KCNT2: variants seen among roughly 807,000 people sequenced by gnomAD.
KCNT2 encodes potassium sodium-activated channel subfamily T member 2.
A neutral mutation model predicts 153.8 loss-of-function variants in KCNT2; 67 were observed. That is an observed-to-expected ratio of 0.44 (90% CI 0.36 to 0.53). The LOEUF (loss-of-function observed/expected upper bound fraction) is 0.53. Ranked by LOEUF, KCNT2 falls within the 20% of genes least tolerant of loss-of-function variation. The probability of loss-of-function intolerance (pLI) is 0.00; values close to 1 mark genes in which losing one functional copy is unlikely to be tolerated. For missense variants in KCNT2, 975 were observed against 1,354.8 expected (o/e 0.72, Z 4.40); for synonymous variants, 500 against 458.8 (o/e 1.09, Z -1.15).
intron 22 of KCNT2, among the ~76,000 whole-genome samples, chr1:196,289,948 T>C (rs1660033451): frequency 6.6e-6 from 1 of 152,188 alleles, no homozygotes; most frequent in Admixed American, 6.5e-5. Context: ...TTTCCATTTG[T>C]TTTATTATCA....
chr1:196,290,870 A>T (rs994004803), intron 22 of KCNT2, among the ~76,000 whole-genome samples: 3 of 151,992 alleles, frequency 2.0e-5, no homozygotes, highest in African/African-American at 7.3e-5. Context: ...ATTTCACATC[A>T]ATTTCATAAA....
At chr1:196,236,277 G>A (rs554771751) in intron 26 of KCNT2, among the ~76,000 whole-genome samples, 2 of 151,348 alleles carry the variant, frequency 1.3e-5, no homozygotes, top group South Asian at 4.1e-4. Flanking sequence ...TGTTCCAATA[G>A]ATGATAACAA....
At chr1:196,548,971 C>T (rs924744287) in intron 1 of KCNT2, among the ~76,000 whole-genome samples, 3 of 138,414 alleles carry the variant, frequency 2.2e-5, no homozygotes, top group African/African-American at 8.3e-5. Context: ...CACATGGACA[C>T]AGGAAGGGGA....
chr1:196,455,257 T>C (rs986570687), intron 8 of KCNT2, among the ~76,000 whole-genome samples: 1 of 152,066 alleles, frequency 6.6e-6, no homozygotes. Flanking sequence ...AAGTCCCTTT[T>C]ACCATCTAAT....
chr1:196,591,754 T>C (rs1663389782), intron 1 of KCNT2, among the ~76,000 whole-genome samples: 1 of 152,142 alleles, frequency 6.6e-6, no homozygotes, highest in Admixed American at 6.6e-5. Context: ...TCCCACATCA[T>C]AAGGTAGCAA....
chr1:196,260,686 C>T (rs1656931484), intron 25 of KCNT2, among the ~76,000 whole-genome samples: 1 of 151,742 alleles, frequency 6.6e-6, no homozygotes. Flanking sequence ...TTGGAATTTG[C>T]ATTCTTTTCT....
At chr1:196,419,926 T>A (rs572223268) in intron 12 of KCNT2, among the ~76,000 whole-genome samples, 1 of 152,160 alleles carries the variant, frequency 6.6e-6, no homozygotes, top group South Asian at 2.1e-4. Context: ...AATTTGACAA[T>A]TTTTGTGTGG....
chr1:196,313,664 C>T (rs1369114159), intron 21 of KCNT2, among the ~76,000 whole-genome samples: 2 of 151,310 alleles, frequency 1.3e-5, no homozygotes, highest in Admixed American at 6.6e-5. Flanking sequence ...AGCAGCTTAA[C>T]ACACAACACA....
intron 1 of KCNT2, among the ~76,000 whole-genome samples, chr1:196,547,545 T>A (rs1323295901): frequency 1.3e-5 from 2 of 152,024 alleles, no homozygotes; most frequent in Admixed American, 1.3e-4. Flanking sequence ...CAATTTCACT[T>A]AAGTTTGTTT....
chr1:196,247,536 G>A (rs1028882381), intron 26 of KCNT2, among the ~76,000 whole-genome samples: 7 of 152,250 alleles, frequency 4.6e-5, no homozygotes, highest in South Asian at 2.1e-4. Flanking sequence ...TCACAGTTCC[G>A]CATGGCTGGG....
chr1:196,418,214 A>T (rs1382150939), intron 12 of KCNT2, among the ~76,000 whole-genome samples: 1 of 151,980 alleles, frequency 6.6e-6, no homozygotes, highest in Non-Finnish European at 1.5e-5. Flanking sequence ...GGTGGCTCAC[A>T]CCTGTAATCC....
At chr1:196,550,525 T>C (rs774957907) in intron 1 of KCNT2, among the ~76,000 whole-genome samples, 7 of 151,906 alleles carry the variant, frequency 4.6e-5, no homozygotes, top group Non-Finnish European at 8.8e-5. Flanking sequence ...GAAAATAGCT[T>C]TAGACTTGTA....
chr1:196,318,666 G>C (rs1662978310), intron 20 of KCNT2, among the ~76,000 whole-genome samples: 1 of 151,694 alleles, frequency 6.6e-6, no homozygotes, highest in African/African-American at 2.4e-5. Context: ...TATCATAACT[G>C]ATGAGGTAAA....
intron 12 of KCNT2, among the ~76,000 whole-genome samples, chr1:196,409,426 T>C (rs1672102839): frequency 6.6e-6 from 1 of 151,580 alleles, no homozygotes; most frequent in Admixed American, 6.6e-5. Context: ...TATTTTGTTT[T>C]TTTCAGTCAT....
chr1:196,450,560 A>G (rs2148617210), intron 8 of KCNT2, among the ~76,000 whole-genome samples: 1 of 151,952 alleles, frequency 6.6e-6, no homozygotes, highest in African/African-American at 2.4e-5. Context: ...ACAAACCTCA[A>G]AGTTATTCTT....
intron 8 of KCNT2, among the ~76,000 whole-genome samples, chr1:196,431,982 T>C (rs1471110691): frequency 6.6e-6 from 1 of 151,978 alleles, no homozygotes; most frequent in Non-Finnish European, 1.5e-5. Context: ...GTCACCCTCA[T>C]CACAGGACCA....
At chr1:196,390,687 A>G (rs1670402533) in intron 13 of KCNT2, among the ~76,000 whole-genome samples, 1 of 138,626 alleles carries the variant, frequency 7.2e-6, no homozygotes. Context: ...TTCTCACACT[A>G]CTTCTCCAAA....
intron 1 of KCNT2, among the ~76,000 whole-genome samples, chr1:196,588,149 T>C (rs996329378): frequency 1.3e-5 from 2 of 151,988 alleles, no homozygotes; most frequent in Non-Finnish European, 2.9e-5. Flanking sequence ...AATCTTGCAG[T>C]TCAACTTCTG....
intron 1 of KCNT2, among the ~76,000 whole-genome samples, chr1:196,495,205 C>T (rs1409873558): frequency 4.0e-5 from 6 of 151,800 alleles, no homozygotes; most frequent in Non-Finnish European, 8.8e-5. Context: ...TGATACATGA[C>T]TTATACTGGG....
Sources: gnomAD v4.1 joint callset for allele counts (sites outside exome capture counted in the v4.1 genomes callset) on GRCh38, gnomAD v4.1.1 for gene constraint, MANE v1.5 for transcripts, NCBI Gene and HGNC (gene_info 2026-07-23, HGNC 2026-07-21) for gene names.